STK10: variants seen among roughly 807,000 people sequenced by gnomAD.
STK10 encodes serine/threonine-protein kinase 10.
Under a neutral mutation model 113.8 loss-of-function variants are expected in STK10, and 78 were observed. The observed-to-expected ratio is 0.69, with a 90% CI of 0.57 to 0.83. The LOEUF is 0.83. Among genes scored for constraint, STK10 ranks in the 40% least tolerant of loss-of-function variants. The pLI is 0.00. For missense variants in STK10, 1,109 were observed against 1,280.1 expected (o/e 0.87, Z 2.04); for synonymous variants, 465 against 494.7 (o/e 0.94, Z 0.80).
At chr5:172,145,497 CCG>C (rs1169702834) in intron 2 of STK10, among the ~76,000 whole-genome samples, 1 of 152,220 alleles carries the variant, frequency 6.6e-6, no homozygotes, top group African/African-American at 2.4e-5. Flanking sequence ...ACGCGCTGGC[CCG>C]CTCAGAGCCT....
intron 2 of STK10, among the ~76,000 whole-genome samples, chr5:172,155,315 C>T (rs186467636): frequency 4.6e-4 from 70 of 151,958 alleles, no homozygotes; most frequent in South Asian, 2.1e-3. Flanking sequence ...CTGACCAAGA[C>T]GGTGAAACCC....
At chr5:172,164,521 A>G (rs570987201) in intron 1 of STK10, among the ~76,000 whole-genome samples, 2 of 152,348 alleles carry the variant, frequency 1.3e-5, no homozygotes, top group East Asian at 1.9e-4. Flanking sequence ...AAGGTCACAC[A>G]GCAGGTTCAA....
chr5:172,129,712 C>T (rs142800362), intron 2 of STK10, among the ~76,000 whole-genome samples: 1 of 152,194 alleles, frequency 6.6e-6, no homozygotes, highest in East Asian at 1.9e-4. Context: ...ATTCTCAGCT[C>T]CACGAAAGAG....
intron 2 of STK10, among the ~76,000 whole-genome samples, chr5:172,150,067 A>AG (rs397699563): frequency 6.8e-6 from 1 of 147,836 alleles, no homozygotes; most frequent in East Asian, 2.0e-4. Context: ...AAAAAAAAAA[A>AG]GAAAGAAAGA....
intron 7 of STK10, among the ~76,000 whole-genome samples, chr5:172,103,500 C>T (rs933081074): frequency 6.6e-6 from 1 of 152,010 alleles, no homozygotes; most frequent in African/African-American, 2.4e-5. Flanking sequence ...TCCTGGAGGC[C>T]GGATGTATCA....
chr5:172,105,710 C>T lies in STK10; in HGVS notation c.816G>A (p.Lys272=), dbSNP rs1581158656. Residue 272 remains lysine (K), a synonymous_variant, in exon 7 of 19, where the codon AAG becomes AAA. Coordinates refer to ENST00000176763, the MANE Select transcript of STK10 (RefSeq NM_005990.4). ...KWSVEFRDFL[K]IALDKNPETR... Reference sequence around the variant, plus strand: ...TTTCTGGGTTCTTATCCAGGGCTATCTTCAGGAAGTCACGGAACTCTACAG... The same window carrying T: ...TTTCTGGGTTCTTATCCAGGGCTATTTTCAGGAAGTCACGGAACTCTACAG... The T allele has an allele frequency of 1.2e-6, 2 of 1,613,872 alleles. No homozygotes were observed. The highest frequency in any genetic ancestry group is 1.7e-6 in the Non-Finnish European group (2 of 1,180,018).
intron 1 of STK10, among the ~76,000 whole-genome samples, chr5:172,175,586 T>A (rs1770744962): frequency 6.7e-6 from 1 of 148,610 alleles, no homozygotes; most frequent in African/African-American, 2.4e-5. Flanking sequence ...GTGCTAGTCC[T>A]GCCTGCACCC....
At chr5:172,141,195 A>G (rs1202856340) in intron 2 of STK10, among the ~76,000 whole-genome samples, 1 of 151,778 alleles carries the variant, frequency 6.6e-6, no homozygotes, top group Non-Finnish European at 1.5e-5. Context: ...CTGTTGGACA[A>G]CGCTATAGCT....
At chr5:172,127,516 C>A in intron 2 of STK10, 95 bp from the exon 3 acceptor site, 1 of 1,328,258 alleles carries the variant, frequency 7.5e-7, no homozygotes. Context: ...CCACCCATGC[C>A]CAATGCCTGG....
In STK10 at chr5:172,107,845, A is replaced by G. The variant is rs756113853; in HGVS notation, c.528T>C (p.Phe176=). 1 of 1,614,050 alleles carries G rather than the reference A, an allele frequency of 6.2e-7. No individual in the cohort carries two copies. Among genetic ancestry groups the G allele is most frequent in the Admixed American group, 1.7e-5 (1 of 60,002 alleles). ...TCTTCAGATTCTTGGCAGACACACCAAAGTCAGCTGCAAGACAAAATCTCA... is the reference window on the plus strand; with the variant it reads ...TCTTCAGATTCTTGGCAGACACACCGAAGTCAGCTGCAAGACAAAATCTCA... The part of the protein sequence containing the change: ...TLEGDIRLAD[F]GVSAKNLKTL... The change falls in exon 5 of 19, where the codon TTT becomes TTC. Residue 176 remains phenylalanine (F), a synonymous_variant. Transcript: ENST00000176763.
chr5:172,057,853 C>T (rs1330394567), intron 14 of STK10, among the ~76,000 whole-genome samples: 1 of 152,150 alleles, frequency 6.6e-6, no homozygotes, highest in African/African-American at 2.4e-5. Flanking sequence ...GAGGGGACGT[C>T]CTTGGGAGAA....
chr5:172,132,912 A>C (rs1638565979), intron 2 of STK10, among the ~76,000 whole-genome samples: 1 of 152,230 alleles, frequency 6.6e-6, no homozygotes, highest in African/African-American at 2.4e-5. Context: ...GTGACTATGT[A>C]ACCCAGAAGC....
At chr5:172,048,298 C>A (rs952024836) in intron 18 of STK10, among the ~76,000 whole-genome samples, 5 of 152,104 alleles carry the variant, frequency 3.3e-5, no homozygotes, top group Non-Finnish European at 5.9e-5. Context: ...TAGACAGCAA[C>A]AACAACTGGG....
Position 172,082,547 on chromosome 5 carries a change from T to C in STK10, c.1810-42A>G. ...TTCTGAGAAACTTAGCGAAGTCACT[T>C]TATACCTGGGAGGGACATGGGAAGT... On this transcript the variant is annotated intron_variant, in intron 11 of 18. Transcript: ENST00000176763. The surrounding 1 kb of genome is among the most constrained non-coding windows in gnomAD (Gnocchi z 4.3). The C allele has an allele frequency of 2.6e-6, 4 of 1,537,394 alleles. No homozygotes were observed. Among genetic ancestry groups the C allele is most frequent in the Non-Finnish European group, 3.5e-6 (4 of 1,143,292 alleles).
chr5:172,129,289 C>A (rs1315350907), intron 2 of STK10, among the ~76,000 whole-genome samples: 1 of 152,216 alleles, frequency 6.6e-6, no homozygotes, highest in Non-Finnish European at 1.5e-5. Flanking sequence ...AGGCTTGCCA[C>A]TTGCCTTGGA....
intron 7 of STK10, among the ~76,000 whole-genome samples, chr5:172,101,906 G>C (rs1192079280): frequency 6.6e-6 from 1 of 151,794 alleles, no homozygotes; most frequent in Admixed American, 6.6e-5. Context: ...AGGCGGCTGG[G>C]CAGGCTGGAG....
chr5:172,086,323 A>T (rs1239475331), intron 10 of STK10, among the ~76,000 whole-genome samples: 1 of 152,168 alleles, frequency 6.6e-6, no homozygotes, highest in Non-Finnish European at 1.5e-5. Context: ...TTTTCTGGAA[A>T]GTGGGAAGAG....
At chr5:172,152,057 G>T (rs189759878) in intron 2 of STK10, among the ~76,000 whole-genome samples, 1 of 152,186 alleles carries the variant, frequency 6.6e-6, no homozygotes, top group South Asian at 2.1e-4. Context: ...TCTGTCCATC[G>T]TGTTTACAGC....
intron 6 of STK10, 74 bp from the exon 7 acceptor site, chr5:172,105,811 A>G: frequency 7.4e-7 from 1 of 1,347,898 alleles, no homozygotes; most frequent in Non-Finnish European, 1.1e-6. Context: ...CACAGACTCC[A>G]CTGTCCCAAT....
Sources: gnomAD v4.1 joint callset for allele counts (sites outside exome capture counted in the v4.1 genomes callset) on GRCh38, gnomAD v4.1.1 for gene constraint, Gnocchi (gnomAD v3.1) non-coding constraint, MANE v1.5 for transcripts, NCBI Gene and HGNC (gene_info 2026-07-23, HGNC 2026-07-21) for gene names.